Variants in NUP210 observed in about 807,000 individuals in gnomAD.
NUP210 encodes the protein nucleoporin 210.
A neutral mutation model predicts 196.0 loss-of-function variants in NUP210; 151 were observed. That is an observed-to-expected ratio of 0.77 (90% confidence interval 0.67 to 0.88). NUP210 has a LOEUF of 0.88. NUP210 is among the 40% of genes least tolerant of loss of function. NUP210 has a pLI of 0.00. For missense variants in NUP210, 2,314 were observed against 2,493.7 expected, an observed-to-expected ratio of 0.93 and a Z score of 1.53; for synonymous variants, 1,070 against 1,052.7, an observed-to-expected ratio of 1.02 and a Z score of -0.32.
chr3:13,389,388 C>A (rs1438409376), intron 4 of NUP210, among the ~76,000 whole-genome samples: 1 of 152,218 alleles, frequency 6.6e-6, no homozygotes, highest in East Asian at 1.9e-4. Flanking sequence ...GATCAACCCA[C>A]TGAGCTGTAC....
rs1700487995 is a variant in NUP210, at chr3:13,420,179, C to G, written c.48G>C (p.Leu16=). 1.6e-6 allele frequency: 2 copies of G among 1,245,576 alleles called. No homozygotes were observed. Among genetic ancestry groups the G allele is most frequent in the Non-Finnish European group, 1.0e-6 (1 of 977,504 alleles). 77.2% of individuals were successfully genotyped at this position (1,245,576 alleles called of 1,614,324 possible). Residue 16 remains leucine, a synonymous_variant, in exon 1 of 40, where the codon CTG becomes CTC. Coordinates refer to ENST00000254508, the MANE Select transcript of NUP210 (RefSeq NM_024923.4). The surrounding 1 kb of genome is among the most constrained non-coding windows in gnomAD (Gnocchi z 4.8). ...RGLLLLTLSV[L]LAAGPSAAAA... ...CAGCGGCGGAGGGGCCCGCCGCCAA[C>G]AGCACCGACAGCGTCAGCAGCAGCA...
intron 1 of NUP210, among the ~76,000 whole-genome samples, chr3:13,412,254 G>A (rs1700201854): frequency 1.7e-5 from 1 of 57,346 alleles, no homozygotes; most frequent in African/African-American, 1.8e-4. Flanking sequence ...TTTTAGTAGA[G>A]ACAGGGTTTC....
At chr3:13,327,066 G>A (rs964257232) in intron 32 of NUP210, 151 bp downstream of exon 32, 4 of 629,706 alleles carry the variant, frequency 6.4e-6, no homozygotes, top group Non-Finnish European at 1.1e-5. Flanking sequence ...TCTGGTCTCC[G>A]GGCAGCAGTT....
intron 25 of NUP210, 66 bp from the exon 26 acceptor site, chr3:13,337,983 A>G: frequency 6.8e-7 from 1 of 1,465,254 alleles, no homozygotes; most frequent in Non-Finnish European, 9.4e-7. Flanking sequence ...TCAGGAAGGG[A>G]CCCCTCAAGG....
At chr3:13,414,251 G>A (rs1700271474) in intron 1 of NUP210, among the ~76,000 whole-genome samples, 1 of 152,264 alleles carries the variant, frequency 6.6e-6, no homozygotes, top group African/African-American at 2.4e-5. Context: ...GTGCCCAAAG[G>A]CAGTGTCTAC....
chr3:13,383,585 C>T (rs1206330553), intron 6 of NUP210, among the ~76,000 whole-genome samples: 1 of 126,100 alleles, frequency 7.9e-6, no homozygotes, highest in African/African-American at 3.2e-5. Flanking sequence ...TGCAGTGGTG[C>T]GATCTCAGCT....
intron 8 of NUP210, among the ~76,000 whole-genome samples, chr3:13,378,523 C>A (rs989506982): frequency 6.6e-6 from 1 of 152,214 alleles, no homozygotes; most frequent in African/African-American, 2.4e-5. Context: ...CCCCTCCCTG[C>A]TAAGGTACCT....
chr3:13,396,567 G>A (rs567252560), intron 3 of NUP210, among the ~76,000 whole-genome samples: 1 of 148,532 alleles, frequency 6.7e-6, no homozygotes, highest in Admixed American at 6.7e-5. Context: ...GGCCAACTTG[G>A]TGAAAACCCG....
chr3:13,365,607 C>A lies in NUP210; in HGVS notation c.1932+339G>T, dbSNP rs1698503596. 2.0e-5 allele frequency among the ~76,000 whole-genome samples: 3 copies of A among 152,330 alleles called. 1 individual carries two copies. The South Asian group carries it at 6.2e-4, about 32-fold the overall frequency. Reference sequence around the variant, plus strand: ...GGTTAGCTCTGGAGTGGAGCAGAAGCACTCCCCTGTTCTGACCCTTGCTGA... The same window carrying A: ...GGTTAGCTCTGGAGTGGAGCAGAAGAACTCCCCTGTTCTGACCCTTGCTGA... On this transcript the variant is annotated intron_variant, in intron 14 of 39. Transcript: ENST00000254508.
At position 13,372,536 on chromosome 3, in the gene NUP210, A is replaced by T. The variant is rs567468477; in HGVS notation, c.1588-504T>A. Among the ~76,000 whole-genome samples, 21 of 152,272 alleles carry T rather than the reference A, an allele frequency of 1.4e-4. No homozygotes were observed. The East Asian group carries it at 3.9e-3, about 28-fold the overall frequency. On this transcript the variant is annotated intron_variant, in intron 12 of 39. Coordinates refer to ENST00000254508, the MANE Select transcript of NUP210 (RefSeq NM_024923.4). ...GGCTGTTGGAAAGCCCCAGAGAGAG[A>T]TGCGACAGCTTGAGCCAGGGCAGGC...
At chr3:13,416,257 G>C (rs1269747238) in intron 1 of NUP210, among the ~76,000 whole-genome samples, 1 of 151,102 alleles carries the variant, frequency 6.6e-6, no homozygotes, top group Non-Finnish European at 1.5e-5. Flanking sequence ...GAAAGGAGAA[G>C]TCTGTGAACA....
At chr3:13,343,832 AG>A (rs970357561) in intron 20 of NUP210, among the ~76,000 whole-genome samples, 3 of 152,196 alleles carry the variant, frequency 2.0e-5, no homozygotes, top group African/African-American at 7.2e-5. Flanking sequence ...CAGCTTGCAC[AG>A]GAAGTCCCAA....
At chr3:13,416,862 T>C (rs1700365338) in intron 1 of NUP210, among the ~76,000 whole-genome samples, 1 of 152,152 alleles carries the variant, frequency 6.6e-6, no homozygotes, top group South Asian at 2.1e-4. Context: ...AGAGGAAACA[T>C]AAGTGACCGA....
chr3:13,376,291 C>T lies in NUP210; in HGVS notation c.1293G>A (p.Gln431=), dbSNP rs758876015. 2 of 1,613,388 alleles carry T rather than the reference C, an allele frequency of 1.2e-6. No homozygotes were observed. Among genetic ancestry groups the T allele is most frequent in the East Asian group, 4.5e-5 (2 of 44,886 alleles). ...CGACGCAGGGGAGACACCAACTTGC[C>T]TGGTCCACCACAGAGGTGAGGGCCG... The part of the protein sequence containing the change: ...IDAALTSVVD[Q]DGGVHILQVP... Residue 431 remains glutamine, a splice_region_variant and synonymous_variant, in exon 10 of 40, where the codon CAG becomes CAA. Transcript: ENST00000254508.
At chr3:13,406,739 C>T (rs1700014914) in intron 1 of NUP210, among the ~76,000 whole-genome samples, 1 of 152,186 alleles carries the variant, frequency 6.6e-6, no homozygotes, top group South Asian at 2.1e-4. Context: ...TAAAAGGACA[C>T]TTGGTCCTCT....
At chr3:13,376,549 G>A in intron 9 of NUP210, 118 bp from the exon 10 acceptor site, 1 of 1,124,704 alleles carries the variant, frequency 8.9e-7, no homozygotes, top group Non-Finnish European at 1.3e-6. Context: ...GGGGCCCCCT[G>A]GGGCTCAGCA....
At chr3:13,353,850 C>A in intron 17 of NUP210, 65 bp downstream of exon 17, 1 of 1,502,874 alleles carries the variant, frequency 6.7e-7, no homozygotes, top group Non-Finnish European at 9.1e-7. Flanking sequence ...ACTGGCCCAC[C>A]TTGGCAGGCT....
chr3:13,353,532 A>G, intron 18 of NUP210, 22 bp downstream of exon 18: 1 of 1,587,420 alleles, frequency 6.3e-7, no homozygotes, highest in African/African-American at 1.3e-5. Context: ...TAGCCCACCC[A>G]CCACTGGGCC....
intron 28 of NUP210, among the ~76,000 whole-genome samples, chr3:13,334,820 G>A (rs1364956119): frequency 6.6e-6 from 1 of 152,176 alleles, no homozygotes; most frequent in African/African-American, 2.4e-5. Flanking sequence ...CTGCACCCCA[G>A]GCAGGAGAAC....
Sources: gnomAD v4.1 joint callset for allele counts (sites outside exome capture counted in the v4.1 genomes callset) on GRCh38, gnomAD v4.1.1 for gene constraint, Gnocchi (gnomAD v3.1) non-coding constraint, MANE v1.5 for transcripts, NCBI Gene and HGNC (gene_info 2026-07-23, HGNC 2026-07-21) for gene names.